Variants in MPHOSPH9 observed in about 807,000 individuals in gnomAD.
MPHOSPH9 encodes M-phase phosphoprotein 9.
A neutral mutation model predicts 145.5 loss-of-function variants in MPHOSPH9; 88 were observed. That is an observed-to-expected ratio of 0.60 (90% CI 0.51 to 0.72). MPHOSPH9 has a LOEUF of 0.72. Among genes scored for constraint, MPHOSPH9 ranks in the 30% least tolerant of loss-of-function variants. The probability of loss-of-function intolerance (pLI) is 0.00; values close to 1 mark genes in which losing one functional copy is unlikely to be tolerated. For synonymous variants in MPHOSPH9, 435 were observed against 486.2 expected, an observed-to-expected ratio of 0.89 and a Z score of 1.39; for missense variants, 1,238 against 1,386.6, an observed-to-expected ratio of 0.89 and a Z score of 1.70.
chr12:123,199,965 C>T (rs535413462), intron 11 of MPHOSPH9, among the ~76,000 whole-genome samples: 1 of 152,164 alleles, frequency 6.6e-6, no homozygotes, highest in Non-Finnish European at 1.5e-5. Flanking sequence ...ATTAATGCGG[C>T]ACAGACATGA....
chr12:123,201,613 CAA>C (rs2046225174), intron 11 of MPHOSPH9, among the ~76,000 whole-genome samples: 3 of 152,040 alleles, frequency 2.0e-5, no homozygotes, highest in African/African-American at 7.2e-5. Context: ...CTCCTGAGCT[CAA>C]GAGATCTGCC....
chr12:123,179,772 G>T (rs1476478982), intron 15 of MPHOSPH9, among the ~76,000 whole-genome samples, 154 bp downstream of exon 15: 3 of 146,506 alleles, frequency 2.0e-5, no homozygotes, highest in Non-Finnish European at 4.5e-5. Flanking sequence ...TGGCTAAAAT[G>T]AAACCTATTT....
intron 7 of MPHOSPH9, among the ~76,000 whole-genome samples, chr12:123,212,065 A>G (rs2046747573): frequency 6.6e-6 from 1 of 152,128 alleles, no homozygotes; most frequent in South Asian, 2.1e-4. Context: ...TTGAGTACCT[A>G]TAGTGCCAGG....
chr12:123,166,333 C>T, intron 17 of MPHOSPH9: 1 of 299,116 alleles, frequency 3.3e-6, no homozygotes, highest in Non-Finnish European at 6.2e-6. Context: ...TCTCGAACTC[C>T]TAGGCTCAAG....
rs1164981573 is a variant in MPHOSPH9 at position 123,203,391 on chromosome 12, CAA to C, written c.1195-18_1195-17del. On this transcript the variant is annotated splice_polypyrimidine_tract_variant and intron_variant, in intron 8 of 23. Transcript: ENST00000606320. ...TAGTATTAGACTTAAAGATACGAAA[CAA>C]AATTAAATGGTGTTATCAATAATGA... 5 of 1,564,294 alleles carry C rather than the reference CAA, an allele frequency of 3.2e-6. No homozygotes were observed. In the African/African-American group the frequency reaches 4.1e-5, roughly 13 times the overall value.
At chr12:123,192,630 A>C (rs1478380748) in intron 13 of MPHOSPH9, among the ~76,000 whole-genome samples, 1 of 15,054 alleles carries the variant, frequency 6.6e-5, no homozygotes, top group African/African-American at 8.8e-4. Context: ...CACCGTCTCA[A>C]AAAAAAAAAA....
intron 1 of MPHOSPH9, among the ~76,000 whole-genome samples, chr12:123,232,120 C>T (rs144247723): frequency 8.6e-5 from 13 of 151,774 alleles, no homozygotes; most frequent in Admixed American, 1.3e-4. Context: ...TCAAGGACTG[C>T]CCCTTCCAAC....
Position 123,203,290 on chromosome 12 carries a change from C to T in MPHOSPH9, c.1280G>A (p.Arg427Lys), listed in dbSNP as rs1489350159. The T allele has an allele frequency of 6.2e-7, 1 of 1,613,792 alleles. No individual in the cohort carries two copies. The highest frequency in any genetic ancestry group is 1.1e-5 in the South Asian group (1 of 91,010). Residue 427 changes from arginine to lysine, a missense_variant, in exon 9 of 24, where the codon AGG becomes AAG. Arg to Lys is a conservative substitution (Grantham distance 26, BLOSUM62 2). Transcript: ENST00000606320. ...TGGGTTGGAAGCAGAAGTGAGATTC[C>T]TCTCAGGTAACTGCTTGTTTTCCCT... ...KQRENKQLPE[R>K]NLTSASNPNH...
At chr12:123,193,564 T>C (rs2045802665) in intron 13 of MPHOSPH9, among the ~76,000 whole-genome samples, 1 of 152,066 alleles carries the variant, frequency 6.6e-6, no homozygotes, top group East Asian at 1.9e-4. Flanking sequence ...AGGAGAATGC[T>C]TGAGCCCAAG....
upstream of MPHOSPH9, among the ~76,000 whole-genome samples, chr12:123,236,725 T>C (rs1213601277): frequency 6.6e-6 from 1 of 152,202 alleles, no homozygotes; most frequent in Non-Finnish European, 1.5e-5. Context: ...TTATTCCTGC[T>C]TTTTTAATGT....
At chr12:123,176,884 G>C in intron 15 of MPHOSPH9, 95 bp from the exon 16 acceptor site, 1 of 975,122 alleles carries the variant, frequency 1.0e-6, no homozygotes, top group Non-Finnish European at 1.6e-6. Flanking sequence ...CCTAAAAAAT[G>C]GGTGGTAAAA....
At chr12:123,193,106 TATACACACAC>T (rs1272410236) in intron 13 of MPHOSPH9, among the ~76,000 whole-genome samples, 28 of 97,242 alleles carry the variant, frequency 2.9e-4, no homozygotes, top group African/African-American at 1.2e-3. Flanking sequence ...AATATATATA[TATACACACAC>T]ACACACACAC....
At chr12:123,163,200 TTCAG>T (rs2044179293) in intron 19 of MPHOSPH9, 66 bp from the exon 20 acceptor site, 3 of 1,439,154 alleles carry the variant, frequency 2.1e-6, no homozygotes, top group African/African-American at 2.9e-5. Context: ...CAGTTTCTTA[TTCAG>T]TATTTTTTTT....
At chr12:123,210,930 T>C (rs985192032) in intron 7 of MPHOSPH9, among the ~76,000 whole-genome samples, 7 of 150,412 alleles carry the variant, frequency 4.7e-5, no homozygotes, top group Non-Finnish European at 7.4e-5. Context: ...GTAGCTGGAA[T>C]TACAGGCATG....
upstream of MPHOSPH9, among the ~76,000 whole-genome samples, chr12:123,238,067 T>C (rs1291310937): frequency 2.0e-5 from 3 of 152,036 alleles, no homozygotes; most frequent in African/African-American, 7.2e-5. Context: ...GGCTAATTTT[T>C]TGTATTTTAG....
intron 3 of MPHOSPH9, among the ~76,000 whole-genome samples, chr12:123,224,725 T>A (rs1234566036): frequency 6.6e-6 from 1 of 152,212 alleles, no homozygotes; most frequent in Non-Finnish European, 1.5e-5. Flanking sequence ...TTGTCCTGTG[T>A]CCATTTTATG....
At chr12:123,220,491 G>C (rs1380244518) in intron 5 of MPHOSPH9, among the ~76,000 whole-genome samples, 1 of 151,808 alleles carries the variant, frequency 6.6e-6, no homozygotes, top group Admixed American at 6.6e-5. Context: ...CTTGAACCAG[G>C]GAGGCAAAGG....
intron 5 of MPHOSPH9, among the ~76,000 whole-genome samples, chr12:123,219,961 T>C (rs1157266815): frequency 2.0e-5 from 3 of 152,152 alleles, no homozygotes; most frequent in African/African-American, 4.8e-5. Context: ...GGTGGGCATA[T>C]GTTGTAAGAC....
rs1206682681 is a variant in MPHOSPH9 at position 123,197,910 on chromosome 12, C to T, written c.2025+337G>A. 1.7e-4 allele frequency among the ~76,000 whole-genome samples: 25 copies of T among 150,504 alleles called. No individual in the cohort carries two copies. In the South Asian group the frequency reaches 2.7e-3, roughly 16 times the overall value. On this transcript the variant is annotated intron_variant, in intron 12 of 23. Coordinates refer to ENST00000606320, the MANE Select transcript of MPHOSPH9 (RefSeq NM_022782.4). ...CATCCTGGCTAACACGGTGAAACCC[C>T]GTCTCTACTAAAAAATACAAAAAAT...
Sources: allele counts gnomAD v4.1 joint callset (sites outside exome capture counted in the v4.1 genomes callset), GRCh38; gene constraint gnomAD v4.1.1; transcripts MANE v1.5; gene names NCBI Gene and HGNC (gene_info 2026-07-23, HGNC 2026-07-21).